The following PTH1R variants were observed in gnomAD, a reference collection of about 807,000 sequenced individuals.
PTH1R encodes parathyroid hormone 1 receptor.
Under a neutral mutation model 70.7 loss-of-function variants are expected in PTH1R, and 32 were observed. The observed-to-expected ratio is 0.45, with a 90% CI of 0.34 to 0.61. The LOEUF (loss-of-function observed/expected upper bound fraction) is 0.61, where lower values mean the gene tolerates loss of function less well. Ranked by LOEUF, PTH1R falls within the 20% of genes least tolerant of loss-of-function variation. The pLI, the probability that PTH1R is intolerant of heterozygous loss-of-function variation, is 0.01. For missense variants in PTH1R, 626 were observed against 792.5 expected (o/e 0.79, Z 2.52); for synonymous variants, 329 against 324.8 (o/e 1.01, Z -0.14).
intron 4 of PTH1R, among the ~76,000 whole-genome samples, chr3:46,894,910 A>T (rs747706277): frequency 6.6e-6 from 1 of 151,852 alleles, no homozygotes; most frequent in African/African-American, 2.4e-5. Context: ...AAAAAAATTT[A>T]AAAATTAGCG....
rs1157521829 is a variant in PTH1R, at chr3:46,882,238, C to G, written c.-49+1120C>G. Reference sequence around the variant, plus strand: ...GCGGGGGAGGGAAGAGGCGCCCGGCCGGGGAGAAGGGGAGCGGCAGACGCC... The same window carrying G: ...GCGGGGGAGGGAAGAGGCGCCCGGCGGGGGAGAAGGGGAGCGGCAGACGCC... On this transcript the variant is annotated intron_variant, in intron 2 of 15. Coordinates refer to ENST00000449590, the MANE Select transcript of PTH1R (RefSeq NM_000316.3). This position sits in a 1 kb window ranked among gnomAD's most constrained non-coding sequence, Gnocchi z 4.3. 1 of 151,500 alleles carries G rather than the reference C, an allele frequency of 6.6e-6. No individual in the cohort carries two copies. Among genetic ancestry groups the G allele is most frequent in the Non-Finnish European group, 1.5e-5 (1 of 67,810 alleles). 9.4% of individuals were successfully genotyped at this position (151,500 alleles called of 1,614,324 possible).
In PTH1R at chr3:46,883,621, C is replaced by A. The variant is rs1334383998; in HGVS notation, c.62C>A (p.Ser21Tyr). ...CTGCTCTGCTGCCCCGTGCTCAGCT[C>A]CGCGTACGCGCTGGTGAGTCCCCCG... is the stretch of plus-strand genomic sequence containing the variant. ...ALLLCCPVLS[S>Y]AYALVDADDV... The change falls in exon 3 of 16, where the codon TCC (serine) becomes TAC (tyrosine). Residue 21 changes from serine (S) to tyrosine (Y), a missense_variant. By Grantham distance (144) the Ser-to-Tyr change is moderately radical. Coordinates refer to ENST00000449590, the MANE Select transcript of PTH1R (RefSeq NM_000316.3). This position sits in a 1 kb window ranked among gnomAD's most constrained non-coding sequence, Gnocchi z 6.4. The A allele has an allele frequency of 5.2e-6, 8 of 1,545,120 alleles. No individual in the cohort carries two copies. The highest frequency in any genetic ancestry group is 2.4e-5 in the East Asian group (1 of 40,890).
rs555011284 is a variant in PTH1R at position 46,899,150 on chromosome 3, T to TC, written c.835-148dup. The stretch of plus-strand genomic sequence containing the variant: ...TTTGCCTCCTGCCCCTGACACCGCA[T>TC]CCCCCTGAGAGAGCCCCCCAAACGA... On this transcript the variant is annotated intron_variant, in intron 9 of 15. Transcript: ENST00000449590. 9.9e-5 allele frequency among the ~76,000 whole-genome samples: 15 copies of TC among 151,992 alleles called. No homozygotes were observed. The East Asian group carries it at 2.9e-3, about 29-fold the overall frequency.
chr3:46,893,918 T>C lies in PTH1R; in HGVS notation c.87T>C (p.Asp29=). 1 of 1,614,034 alleles carries C rather than the reference T, an allele frequency of 6.2e-7. No homozygotes were observed. Among genetic ancestry groups the C allele is most frequent in the South Asian group, 1.1e-5 (1 of 91,030 alleles). The change falls in exon 4 of 16, where the codon GAT becomes GAC. Residue 29 remains aspartate (D), a synonymous_variant. Transcript: ENST00000449590. The surrounding 1 kb of genome is among the most constrained non-coding windows in gnomAD (Gnocchi z 5.2). ...CTTCGGCTTGGCAGGTGGATGCAGA[T>C]GACGTCATGACTAAAGAGGAACAGA... is the stretch of plus-strand genomic sequence containing the variant. ...LSSAYALVDA[D]DVMTKEEQIF... is the part of the protein sequence containing the mutation.
chr3:46,892,866 G>C lies in PTH1R; in HGVS notation c.76-1041G>C. 1 of 929,530 alleles carries C rather than the reference G, an allele frequency of 1.1e-6. No individual in the cohort carries two copies. The highest frequency in any genetic ancestry group is 1.3e-6 in the Non-Finnish European group (1 of 778,450). The allele number at this position is 929,530 out of a possible 1,614,324, so 57.6% of individuals were successfully genotyped here. ...GGGACATACCCCTGCCCAGGGGTCT[G>C]AGGAAACACGACCCTGAATTAAGAG... On this transcript the variant is annotated intron_variant, in intron 3 of 15. Coordinates refer to ENST00000449590, the MANE Select transcript of PTH1R (RefSeq NM_000316.3). This position sits in a 1 kb window ranked among gnomAD's most constrained non-coding sequence, Gnocchi z 5.2.
rs967302507 is a variant in PTH1R, at chr3:46,893,091, A to T, written c.76-816A>T. Among the ~76,000 whole-genome samples, 4 of 151,934 alleles carry T rather than the reference A, an allele frequency of 2.6e-5. No individual in the cohort carries two copies. Among genetic ancestry groups the T allele is most frequent in the African/African-American group, 9.7e-5 (4 of 41,344 alleles). Reference sequence around the variant, plus strand: ...CATGATATTTCATTTCCTTTCTTATAATGAGGCCAGTGAGTCCCGGTGGGT... The same window carrying T: ...CATGATATTTCATTTCCTTTCTTATTATGAGGCCAGTGAGTCCCGGTGGGT... On this transcript the variant is annotated intron_variant, in intron 3 of 15. Transcript: ENST00000449590. This position sits in a 1 kb window ranked among gnomAD's most constrained non-coding sequence, Gnocchi z 5.2.
Position 46,901,509 on chromosome 3 carries a change from G to T in PTH1R, c.1116+29G>T. 1 of 1,554,498 alleles carries T rather than the reference G, an allele frequency of 6.4e-7. No individual in the cohort carries two copies. Among genetic ancestry groups the T allele is most frequent in the East Asian group, 2.4e-5 (1 of 41,414 alleles). ...AGCAGGGGTGGGCTGCTGGCCACAG[G>T]GGTGGGTGGGATGTGCGCCTGCGTC... On this transcript the variant is annotated intron_variant, in intron 12 of 15. Transcript: ENST00000449590. This position sits in a 1 kb window ranked among gnomAD's most constrained non-coding sequence, Gnocchi z 7.3.
chr3:46,898,917 C>A, intron 9 of PTH1R, 60 bp downstream of exon 9: 1 of 1,216,754 alleles, frequency 8.2e-7, no homozygotes, highest in African/African-American at 1.6e-5. Flanking sequence ...GGGCCCCGCC[C>A]CGCCCCGCTC....
chr3:46,898,786 C>T lies in PTH1R; in HGVS notation c.763C>T (p.Arg255Cys). Reference protein sequence around the residue: ...YSGATLDEAERLTEEELRAIA... With the variant: ...YSGATLDEAECLTEEELRAIA... ...TGGCGCCACGCTTGATGAGGCTGAG[C>T]GCCTCACCGAGGAGGAGCTGCGCGC... Residue 255 changes from arginine (R) to cysteine (C), a missense_variant, in exon 9 of 16, where the codon CGC becomes TGC. Arg to Cys is a radical substitution (Grantham distance 180). Transcript: ENST00000449590. 1 of 1,600,568 alleles carries T rather than the reference C, an allele frequency of 6.2e-7. No homozygotes were observed.
At chr3:46,887,455 T>TG (rs1458043601) in intron 3 of PTH1R, among the ~76,000 whole-genome samples, 10 of 120,250 alleles carry the variant, frequency 8.3e-5, no homozygotes, top group Middle Eastern at 4.5e-3. Context: ...CCCCTGTCTC[T>TG]GAAAAAAAAA....
chr3:46,898,541 C>A (rs1459872160), intron 8 of PTH1R, 69 bp downstream of exon 8: 30 of 1,600,062 alleles, frequency 1.9e-5, no homozygotes, highest in Non-Finnish European at 2.5e-5. Flanking sequence ...TCTGATGCGA[C>A]CCCCTCCCTG....
Position 46,884,508 on chromosome 3 carries a change from G to C in PTH1R, c.75+874G>C, listed in dbSNP as rs184338789. 6.6e-6 allele frequency among the ~76,000 whole-genome samples: 1 copy of C among 152,336 alleles called. No homozygotes were observed. The highest frequency in any genetic ancestry group is 1.9e-4 in the East Asian group (1 of 5,182). On this transcript the variant is annotated intron_variant, in intron 3 of 15. Coordinates refer to ENST00000449590, the MANE Select transcript of PTH1R (RefSeq NM_000316.3). The surrounding 1 kb of genome is among the most constrained non-coding windows in gnomAD (Gnocchi z 4.8). ...CTGGGCCAGGGTCTGGGGCCCACTT[G>C]CTGGGAAGGGGGCTGTCCCAGCCCC...
intron 3 of PTH1R, among the ~76,000 whole-genome samples, chr3:46,889,304 A>C (rs1232987365): frequency 6.6e-6 from 1 of 152,214 alleles, no homozygotes; most frequent in African/African-American, 2.4e-5. Context: ...TTATGTCTAC[A>C]CACCTCTGCT....
In PTH1R at chr3:46,901,757, C is replaced by T. The variant is rs1018073995; in HGVS notation, c.1117-9C>T. The T allele has an allele frequency of 5.0e-6, 8 of 1,613,094 alleles. No homozygotes were observed. The highest frequency in any genetic ancestry group is 5.9e-6 in the Non-Finnish European group (7 of 1,179,164). On this transcript the variant is annotated splice_polypyrimidine_tract_variant and intron_variant, in intron 12 of 15. Coordinates refer to ENST00000449590, the MANE Select transcript of PTH1R (RefSeq NM_000316.3). The surrounding 1 kb of genome is among the most constrained non-coding windows in gnomAD (Gnocchi z 7.3). ...GCAGCCTCCAGACGCAGCCCCCTCA[C>T]TCCCACAGCTCAACTTCATCCTCTT...
At chr3:46,885,273 C>A (rs369048449) in intron 3 of PTH1R, among the ~76,000 whole-genome samples, 2 of 152,054 alleles carry the variant, frequency 1.3e-5, no homozygotes, top group African/African-American at 4.8e-5. Flanking sequence ...GACTTGGAGG[C>A]GCAGTTGTGT....
chr3:46,886,015 G>T (rs1371766216), intron 3 of PTH1R, among the ~76,000 whole-genome samples: 1 of 152,238 alleles, frequency 6.6e-6, no homozygotes, highest in African/African-American at 2.4e-5. Context: ...GTTGTGGCCA[G>T]ACTCAGCTGG....
At chr3:46,885,274 G>T (rs912593346) in intron 3 of PTH1R, among the ~76,000 whole-genome samples, 3 of 152,104 alleles carry the variant, frequency 2.0e-5, no homozygotes, top group Admixed American at 2.0e-4. Context: ...ACTTGGAGGC[G>T]CAGTTGTGTG....
chr3:46,888,903 C>T (rs1017916113), intron 3 of PTH1R, among the ~76,000 whole-genome samples: 6 of 152,246 alleles, frequency 3.9e-5, no homozygotes, highest in Non-Finnish European at 7.3e-5. Flanking sequence ...GCCTCTTCCC[C>T]CCCAGCCCCT....
At chr3:46,880,634 G>A (rs796509581) in intron 1 of PTH1R, among the ~76,000 whole-genome samples, 10 of 152,252 alleles carry the variant, frequency 6.6e-5, no homozygotes, top group Admixed American at 2.6e-4. Context: ...CAGCTACTTG[G>A]GAGAATCACT....
Sources: gnomAD v4.1 joint callset for allele counts (sites outside exome capture counted in the v4.1 genomes callset) on GRCh38, gnomAD v4.1.1 for gene constraint, Gnocchi (gnomAD v3.1) non-coding constraint, MANE v1.5 for transcripts, NCBI Gene and HGNC (gene_info 2026-07-23, HGNC 2026-07-21) for gene names.